Variants in PITPNB observed in about 807,000 individuals in gnomAD.
PITPNB encodes phosphatidylinositol transfer protein beta.
PITPNB carries 16 observed loss-of-function variants against 45.9 expected under a neutral mutation model. That is an observed-to-expected ratio of 0.35 (90% CI 0.24 to 0.53). The LOEUF (loss-of-function observed/expected upper bound fraction) is 0.53, where lower values mean the gene tolerates loss of function less well. PITPNB is among the 20% of genes least tolerant of loss of function. PITPNB has a pLI of 0.93. For synonymous variants in PITPNB, 112 were observed against 108.9 expected (o/e 1.03, Z -0.18); for missense variants, 188 against 330.5 (o/e 0.57, Z 3.34).
chr22:27,879,309 T>C (rs1203818497), intron 7 of PITPNB, among the ~76,000 whole-genome samples: 1 of 152,218 alleles, frequency 6.6e-6, no homozygotes, highest in Non-Finnish European at 1.5e-5. Flanking sequence ...CAGATGGCTA[T>C]GTGATACACT....
chr22:27,856,628 G>A (rs1419256722), intron 10 of PITPNB, among the ~76,000 whole-genome samples: 1 of 152,210 alleles, frequency 6.6e-6, no homozygotes, highest in African/African-American at 2.4e-5. Context: ...GTGACACACA[G>A]TTCTTCAGCA....
chr22:27,856,244 A>G (rs1364247381), intron 10 of PITPNB, among the ~76,000 whole-genome samples: 1 of 152,236 alleles, frequency 6.6e-6, no homozygotes. Context: ...AATCAGTTTC[A>G]GCAATGTGGG....
chr22:27,855,215 C>G (rs1934137154), intron 10 of PITPNB, among the ~76,000 whole-genome samples: 1 of 152,192 alleles, frequency 6.6e-6, no homozygotes, highest in African/African-American at 2.4e-5. Flanking sequence ...AATGGGTAAA[C>G]AAATTGTTTG....
At chr22:27,894,331 A>C (rs74997409) in intron 7 of PITPNB, 4,524 of 366,944 alleles carry the variant, frequency 0.012, 57 homozygotes, top group African/African-American at 0.038. Flanking sequence ...GATCACTTGC[A>C]CAAAGCCAAA....
chr22:27,894,583 A>AT lies in PITPNB; in HGVS notation c.427dup (p.Ile143AsnfsTer4). On this transcript the variant is annotated frameshift_variant, in exon 7 of 12. Coordinates refer to ENST00000335272, the MANE Select transcript of PITPNB (RefSeq NM_012399.5). LOFTEE classifies it high-confidence loss of function. ...TGGTTCAACTTGACTTCTATCTGCA[A>AT]TATCTATATGGACAATTTCAACAGT... 6.3e-7 allele frequency: 1 copy of AT among 1,597,068 alleles called. No homozygotes were observed. Among genetic ancestry groups the AT allele is most frequent in the Non-Finnish European group, 8.6e-7 (1 of 1,165,138 alleles).
At chr22:27,918,496 C>A (rs1008978783) in intron 1 of PITPNB, among the ~76,000 whole-genome samples, 2 of 152,204 alleles carry the variant, frequency 1.3e-5, no homozygotes, top group African/African-American at 4.8e-5. Context: ...ACCTCGAAAT[C>A]CCTCCATTTG....
At chr22:27,906,139 G>A (rs1029553623) in intron 3 of PITPNB, among the ~76,000 whole-genome samples, 2 of 152,164 alleles carry the variant, frequency 1.3e-5, no homozygotes, top group Non-Finnish European at 2.9e-5. Context: ...CCTCTGCATA[G>A]GATAGTTCTG....
chr22:27,865,395 GA>G (rs1454317291), intron 8 of PITPNB, among the ~76,000 whole-genome samples: 4 of 152,160 alleles, frequency 2.6e-5, no homozygotes, highest in Non-Finnish European at 4.4e-5. Flanking sequence ...GCTGAATTAA[GA>G]TCTTTAATAC....
At chr22:27,872,732 A>G (rs901790710) in intron 8 of PITPNB, among the ~76,000 whole-genome samples, 3 of 152,174 alleles carry the variant, frequency 2.0e-5, no homozygotes, top group African/African-American at 7.2e-5. Context: ...GCACAGACAG[A>G]CTGGTTACCA....
At position 27,853,057 on chromosome 22, in the gene PITPNB, T is replaced by C. The variant is rs2146340532; in HGVS notation, c.*645A>G. 6.5e-6 allele frequency: 1 copy of C among 152,732 alleles called. No individual in the cohort carries two copies. The highest frequency in any genetic ancestry group is 1.9e-4 in the East Asian group (1 of 5,182). 9.5% of individuals were successfully genotyped at this position (152,732 alleles called of 1,614,324 possible). On this transcript the variant is annotated 3_prime_UTR_variant, in exon 12 of 12. Coordinates refer to ENST00000335272, the MANE Select transcript of PITPNB (RefSeq NM_012399.5). ...ATTGTCAAATTTGGCTACAAGATAA[T>C]GACCATCCAGAAATAAATAGTTATA...
At chr22:27,915,245 T>C (rs988804663) in intron 1 of PITPNB, among the ~76,000 whole-genome samples, 1 of 152,202 alleles carries the variant, frequency 6.6e-6, no homozygotes, top group Non-Finnish European at 1.5e-5. Context: ...TCTCATACTT[T>C]CCTAATCTTA....
intron 8 of PITPNB, among the ~76,000 whole-genome samples, chr22:27,870,539 A>G (rs1039434108): frequency 2.6e-5 from 4 of 152,246 alleles, no homozygotes; most frequent in Non-Finnish European, 4.4e-5. Context: ...CAGCTCTTCT[A>G]TAAGAACATT....
At chr22:27,864,714 G>A (rs1934432795) in intron 8 of PITPNB, among the ~76,000 whole-genome samples, 2 of 152,100 alleles carry the variant, frequency 1.3e-5, no homozygotes, top group African/African-American at 2.4e-5. Flanking sequence ...GAGGCAGGTG[G>A]ATCACCTGAT....
intron 2 of PITPNB, among the ~76,000 whole-genome samples, chr22:27,913,590 G>C (rs1369568554): frequency 1.3e-5 from 2 of 152,182 alleles, no homozygotes; most frequent in African/African-American, 4.8e-5. Context: ...ATCATGTCCA[G>C]ACTGAGGAAA....
At chr22:27,899,325 ATTTCTTT>A (rs1487288935) in intron 3 of PITPNB, among the ~76,000 whole-genome samples, 1 of 152,038 alleles carries the variant, frequency 6.6e-6, no homozygotes, top group Non-Finnish European at 1.5e-5. Flanking sequence ...TTGTTCACTT[ATTTCTTT>A]TTTCTTTTTT....
At chr22:27,916,426 A>G (rs1936077106) in intron 1 of PITPNB, among the ~76,000 whole-genome samples, 1 of 152,264 alleles carries the variant, frequency 6.6e-6, no homozygotes, top group Non-Finnish European at 1.5e-5. Context: ...AGGACTTTAC[A>G]TTAATGGTAA....
rs567622686 is a variant in PITPNB, at chr22:27,863,672, C to G, written c.535-3431G>C. Among the ~76,000 whole-genome samples, 124 of 152,304 alleles carry G rather than the reference C, an allele frequency of 8.1e-4. 1 individual carries two copies. The highest frequency in any genetic ancestry group is 1.6e-3 in the Non-Finnish European group (109 of 68,026). The stretch of plus-strand genomic sequence containing the variant: ...CTTGGGTGTACCTAGAACACTGATG[C>G]TTCAGAATTCTCCAGCAATTTTATA... On this transcript the variant is annotated intron_variant, in intron 8 of 11. Coordinates refer to ENST00000335272, the MANE Select transcript of PITPNB (RefSeq NM_012399.5).
intron 5 of PITPNB, 61 bp downstream of exon 5, chr22:27,897,069 A>T (rs1428201515): frequency 8.7e-7 from 1 of 1,149,602 alleles, no homozygotes; most frequent in Admixed American, 1.7e-5. Context: ...GAAAATAATT[A>T]CTGTGTAAAA....
Position 27,853,380 on chromosome 22 carries a change from A to T in PITPNB, c.*322T>A, listed in dbSNP as rs1340294093. 1 of 424,762 alleles carries T rather than the reference A, an allele frequency of 2.4e-6. No individual in the cohort carries two copies. Among genetic ancestry groups the T allele is most frequent in the Non-Finnish European group, 4.1e-6 (1 of 241,174 alleles). The allele number at this position is 424,762 out of a possible 1,614,324, so 26.3% of individuals were successfully genotyped here. A position where few individuals can be genotyped will look rare whatever the true frequency, so the allele number is the denominator to read the frequency against. On this transcript the variant is annotated 3_prime_UTR_variant, in exon 12 of 12. Coordinates refer to ENST00000335272, the MANE Select transcript of PITPNB (RefSeq NM_012399.5). Reference sequence around the variant, plus strand: ...TTTCTTTTGCATTCTTGCTGAAGATAGGTACAGTACTTTGGAGAAATTGTA... The same window carrying T: ...TTTCTTTTGCATTCTTGCTGAAGATTGGTACAGTACTTTGGAGAAATTGTA...
Sources: gnomAD v4.1 joint callset for allele counts (sites outside exome capture counted in the v4.1 genomes callset) on GRCh38, gnomAD v4.1.1 for gene constraint, MANE v1.5 for transcripts, NCBI Gene and HGNC (gene_info 2026-07-23, HGNC 2026-07-21) for gene names.